Variants in DEAF1 observed in about 807,000 individuals in gnomAD.
The protein encoded by DEAF1 is DEAF1 transcription factor, also known as deformed epidermal autoregulatory factor 1 homolog.
A neutral mutation model predicts 58.9 loss-of-function variants in DEAF1; 53 were observed. The observed-to-expected ratio is 0.90, with a 90% CI of 0.72 to 1.13. The LOEUF (loss-of-function observed/expected upper bound fraction) is 1.13. DEAF1 is among the 50% of genes most tolerant of loss of function. The pLI, the probability that DEAF1 is intolerant of heterozygous loss-of-function variation, is 0.00. For missense variants in DEAF1, 685 were observed against 791.4 expected, an observed-to-expected ratio of 0.87 and a Z score of 1.61; for synonymous variants, 385 against 340.4, an observed-to-expected ratio of 1.13 and a Z score of -1.44.
At chr11:669,125 C>CTTT (rs36167071) in intron 10 of DEAF1, among the ~76,000 whole-genome samples, 8 of 107,812 alleles carry the variant, frequency 7.4e-5, no homozygotes, top group African/African-American at 2.1e-4. Context: ...GCACCCGACC[C>CTTT]TTTTTTTTTT....
chr11:701,920 G>T (rs971567806), intron 1 of DEAF1, among the ~76,000 whole-genome samples: 3 of 152,210 alleles, frequency 2.0e-5, no homozygotes, highest in African/African-American at 7.2e-5. Flanking sequence ...TGGCCAGCGG[G>T]GTGCAGACTT....
intron 6 of DEAF1, among the ~76,000 whole-genome samples, chr11:682,672 G>A (rs777148425): frequency 4.6e-5 from 7 of 152,182 alleles, no homozygotes; most frequent in African/African-American, 9.7e-5. Context: ...GGTTCTGTGT[G>A]GGGGGCAGCA....
At chr11:661,229 G>A (rs964386569) in intron 10 of DEAF1, among the ~76,000 whole-genome samples, 1 of 152,156 alleles carries the variant, frequency 6.6e-6, no homozygotes, top group African/African-American at 2.4e-5. Flanking sequence ...CCAAGACCCT[G>A]CAGCCACTCG....
At chr11:680,729 A>C (rs1202053947) in intron 7 of DEAF1, among the ~76,000 whole-genome samples, 1 of 152,224 alleles carries the variant, frequency 6.6e-6, no homozygotes, top group African/African-American at 2.4e-5. Flanking sequence ...GAAACAGCCC[A>C]GGACAAGGCC....
intron 1 of DEAF1, chr11:700,819 C>T (rs888088826): frequency 2.0e-6 from 2 of 1,013,434 alleles, no homozygotes; most frequent in Admixed American, 1.7e-5. Flanking sequence ...ATTTTTTATC[C>T]AAACTGCTTA....
intron 10 of DEAF1, among the ~76,000 whole-genome samples, chr11:663,853 A>G (rs1859419120): frequency 6.6e-6 from 1 of 152,246 alleles, no homozygotes; most frequent in South Asian, 2.1e-4. Context: ...CACGGAAAGC[A>G]CTGTGGTCCT....
chr11:706,510 C>G (rs11246278), intron 1 of DEAF1: 28,908 of 152,442 alleles, frequency 0.19, 3,093 homozygotes, highest in African/African-American at 0.28. Flanking sequence ...GGCCTGCCCC[C>G]GTCGGTCCTG....
Position 686,975 on chromosome 11 carries a change from C to G in DEAF1, c.687G>C (p.Lys229Asn), listed in dbSNP as rs1243843143. 1 of 1,614,098 alleles carries G rather than the reference C, an allele frequency of 6.2e-7. No homozygotes were observed. The highest frequency in any genetic ancestry group is 8.5e-7 in the Non-Finnish European group (1 of 1,180,058). ...LGSGGRGRCI[K>N]QGENWYSPTE... ...TGGGACTGTACCAGTTCTCCCCCTG[C>G]TTGATGCACCGTCCCCGGCCGCCTG... is the stretch of plus-strand genomic sequence containing the variant. The change falls in exon 5 of 12, where the codon AAG becomes AAC. Residue 229 changes from lysine to asparagine, a missense_variant. This residue lies in a region of DEAF1 where 132 missense variants were observed against 234.3 expected (regional missense o/e 0.56). Coordinates refer to ENST00000382409, the MANE Select transcript of DEAF1 (RefSeq NM_021008.4).
chr11:687,918 G>C lies in DEAF1; in HGVS notation c.657C>G (p.Leu219=), dbSNP rs757878924. The C allele has an allele frequency of 6.2e-7, 1 of 1,614,082 alleles. No individual in the cohort carries two copies. The highest frequency in any genetic ancestry group is 8.5e-7 in the Non-Finnish European group (1 of 1,180,018). ...TGAAGTGGCAGTCCTCACCTGAGCC[G>C]AGCCTGTTCTTGTACAGAGTGCCGC... ...NISGTLYKNR[L]GSGGRGRCIK... The change falls in exon 4 of 12, where the codon CTC becomes CTG. Residue 219 remains leucine, a synonymous_variant. Transcript: ENST00000382409.
intron 10 of DEAF1, chr11:674,221 CA>C: frequency 5.2e-6 from 2 of 384,848 alleles, no homozygotes; most frequent in Non-Finnish European, 1.0e-5. Flanking sequence ...AAGCACATTT[CA>C]CTACAGGAAG....
At chr11:695,781 C>T (rs1481249062), upstream of DEAF1, 84 of 1,236,550 alleles carry the variant, frequency 6.8e-5, no homozygotes, top group Non-Finnish European at 8.5e-5. Context: ...GCGCGCGGGC[C>T]GAGAGGCTGC....
chr11:668,835 G>GATA (rs1859673383), intron 10 of DEAF1, among the ~76,000 whole-genome samples: 1 of 150,298 alleles, frequency 6.7e-6, no homozygotes, highest in Non-Finnish European at 1.5e-5. Context: ...AAAGTTTTTT[G>GATA]TTTTTTTTTA....
chr11:695,798 C>T, upstream of DEAF1: 1 of 1,235,244 alleles, frequency 8.1e-7, no homozygotes, highest in East Asian at 3.2e-5. Flanking sequence ...CTGCCGGGAT[C>T]GCGACGGACC....
chr11:695,152 G>A lies in DEAF1; in HGVS notation c.-105C>T, dbSNP rs897926468. 5.9e-6 allele frequency: 6 copies of A among 1,016,174 alleles called. No homozygotes were observed. In the South Asian group the frequency reaches 9.9e-5, roughly 17 times the overall value. The allele number at this position is 1,016,174 out of a possible 1,614,324, so 62.9% of individuals were successfully genotyped here. ...AAGAGGACGCCCGAGCTGGGCCGAG[G>A]CCGCCCGAAGCCGCCGCCCGAATAG... is the stretch of plus-strand genomic sequence containing the variant. On this transcript the variant is annotated 5_prime_UTR_variant, in exon 1 of 12. Transcript: ENST00000382409.
At chr11:704,602 AG>A (rs1368353120) in intron 1 of DEAF1, 4 of 1,264,664 alleles carry the variant, frequency 3.2e-6, no homozygotes, top group Non-Finnish European at 4.1e-6. Context: ...AGACCAGGGA[AG>A]GACCCCCTCC....
At position 694,998 on chromosome 11, in the gene DEAF1, G is replaced by A. The variant is rs1402009962; in HGVS notation, c.50C>T (p.Ala17Val). The A allele has an allele frequency of 1.1e-5, 13 of 1,202,674 alleles. No homozygotes were observed. Among genetic ancestry groups the A allele is most frequent in the Non-Finnish European group, 1.3e-5 (13 of 970,784 alleles). 74.5% of individuals were successfully genotyped at this position (1,202,674 alleles called of 1,614,324 possible). A position where few individuals can be genotyped will look rare whatever the true frequency, so the allele number is the denominator to read the frequency against. ...CACAGCGGCCGCGGCCGCCACCGCC[G>A]CCGCCTCAGCCAGGCCCAGCTGCTT... ...AAKQLGLAEAAAVAAAAAVAA... is the reference protein window; with the variant it reads ...AAKQLGLAEAVAVAAAAAVAA... The change falls in exon 1 of 12, where the codon GCG becomes GTG. Residue 17 changes from alanine to valine, a missense_variant. Transcript: ENST00000382409.
chr11:684,610 T>C (rs1292785282), intron 6 of DEAF1, among the ~76,000 whole-genome samples: 2 of 152,186 alleles, frequency 1.3e-5, no homozygotes, highest in African/African-American at 2.4e-5. Context: ...TGTTTAGTTT[T>C]AGAGTTAAGG....
rs993039842 is a variant in DEAF1 at position 695,167 on chromosome 11, C to A, written c.-120G>T. 1.0e-6 allele frequency: 1 copy of A among 953,358 alleles called. No individual in the cohort carries two copies. The highest frequency in any genetic ancestry group is 1.4e-6 in the Non-Finnish European group (1 of 713,190). 59.1% of individuals were successfully genotyped at this position (953,358 alleles called of 1,614,324 possible). The stretch of plus-strand genomic sequence containing the variant: ...CTGGGCCGAGGCCGCCCGAAGCCGC[C>A]GCCCGAATAGGGACCGAAAAGGCAG... On this transcript the variant is annotated 5_prime_UTR_variant, in exon 1 of 12. Coordinates refer to ENST00000382409, the MANE Select transcript of DEAF1 (RefSeq NM_021008.4).
chr11:668,347 G>A (rs1315030987), intron 10 of DEAF1, among the ~76,000 whole-genome samples: 1 of 152,120 alleles, frequency 6.6e-6, no homozygotes, highest in Non-Finnish European at 1.5e-5. Context: ...ACCAATGACT[G>A]AATAAAACTC....
Sources: allele counts gnomAD v4.1 joint callset (sites outside exome capture counted in the v4.1 genomes callset), GRCh38; gene constraint gnomAD v4.1.1; regional missense constraint gnomAD v4.1.1; transcripts MANE v1.5; gene names NCBI Gene and HGNC (gene_info 2026-07-23, HGNC 2026-07-21).